Variants in TPRG1 observed in about 807,000 individuals in gnomAD.
TPRG1 encodes the protein tumor protein p63 regulated 1, also known as tumor protein p63-regulated gene 1 protein.
In TPRG1, 29 loss-of-function variants were observed where a neutral mutation model predicts 29.3. The ratio of observed to expected loss-of-function variants is 0.99; its 90% CI spans 0.74 to 1.35. TPRG1 has a LOEUF of 1.35. Ranked by LOEUF, TPRG1 falls within the 40% of genes most tolerant of loss-of-function variation. TPRG1 has a pLI of 0.00. For synonymous variants in TPRG1, 130 were observed against 116.8 expected (o/e 1.11, Z -0.73); for missense variants, 327 against 335.0 (o/e 0.98, Z 0.19).
At chr3:189,030,612 A>G (rs1161784253) in intron 4 of TPRG1, among the ~76,000 whole-genome samples, 1 of 152,142 alleles carries the variant, frequency 6.6e-6, no homozygotes, top group African/African-American at 2.4e-5. Flanking sequence ...TGGGGAGTGT[A>G]CATACTTCTA....
Position 189,207,418 on chromosome 3 carries a change from G to C in TPRG1, c.34G>C (p.Ala12Pro), listed in dbSNP as rs147775571. Residue 12 changes from alanine (A) to proline (P), a missense_variant, in exon 2 of 6, where the codon GCT becomes CCT. Transcript: ENST00000345063. The stretch of plus-strand genomic sequence containing the variant: ...AATTGGGAGTTTTGAAGGATTCCAG[G>C]CTGTGTCTCTGAAGCAAGAGGGAGA... ...STIGSFEGFQAVSLKQEGDDQ... is the reference protein window; with the variant it reads ...STIGSFEGFQPVSLKQEGDDQ... The C allele has an allele frequency of 3.4e-3, 5,507 of 1,613,986 alleles. 21 individuals carry two copies. The highest frequency in any genetic ancestry group is 0.018 in the Middle Eastern group (112 of 6,060).
intron 3 of TPRG1, among the ~76,000 whole-genome samples, chr3:189,007,871 G>C (rs1379539736): frequency 2.2e-5 from 3 of 133,506 alleles, no homozygotes; most frequent in Non-Finnish European, 3.1e-5. Context: ...CACAGGAAAG[G>C]GAATATCACA....
intron 4 of TPRG1, among the ~76,000 whole-genome samples, chr3:189,268,350 G>A (rs577209788): frequency 4.6e-4 from 70 of 152,282 alleles, no homozygotes; most frequent in Non-Finnish European, 8.1e-4. Context: ...GCAAATCTCC[G>A]TGGGGAGGCG....
At chr3:189,083,337 T>G (rs576618310) in intron 4 of TPRG1, among the ~76,000 whole-genome samples, 30 of 151,368 alleles carry the variant, frequency 2.0e-4, no homozygotes, top group African/African-American at 6.1e-4. Flanking sequence ...TCCTGGGGGG[T>G]TTGTGGGCAA....
At chr3:189,165,744 T>A (rs1309870369) in intron 5 of TPRG1, among the ~76,000 whole-genome samples, 1 of 152,040 alleles carries the variant, frequency 6.6e-6, no homozygotes, top group Non-Finnish European at 1.5e-5. Context: ...TGTGTGACAG[T>A]GGAGTAAGTT....
intron 3 of TPRG1, among the ~76,000 whole-genome samples, chr3:189,018,127 T>C (rs1713058202): frequency 6.6e-6 from 1 of 152,180 alleles, no homozygotes; most frequent in African/African-American, 2.4e-5. Context: ...ATTCTGGATA[T>C]TAGCCCTTTG....
Position 189,283,645 on chromosome 3 carries a change from C to T in TPRG1, c.480-26741C>T, listed in dbSNP as rs772748459. ...AGAGAGAAGGTTTTCTGTTGGGGAA[C>T]GATCAGCAGTGACTGGTCAGTTGTT... On this transcript the variant is annotated intron_variant, in intron 4 of 5. Transcript: ENST00000345063. Among the ~76,000 whole-genome samples, 10 of 152,262 alleles carry T rather than the reference C, an allele frequency of 6.6e-5. No homozygotes were observed. The South Asian group carries it at 8.3e-4, about 13-fold the overall frequency.
intron 4 of TPRG1, among the ~76,000 whole-genome samples, chr3:189,309,610 C>T (rs1005045600): frequency 1.1e-4 from 17 of 152,222 alleles, no homozygotes; most frequent in East Asian, 1.9e-4. Flanking sequence ...CTCAGAAACA[C>T]GGTTTTGTTA....
At position 189,248,723 on chromosome 3, in the gene TPRG1, GA is replaced by G. The variant is rs1196525529; in HGVS notation, c.479+9816del. ...GATTGAAGTAACTTTATTTAAAGTT[GA>G]ATTTTTATGCTTTTAAATTTTGTTA... On this transcript the variant is annotated intron_variant, in intron 4 of 5. Coordinates refer to ENST00000345063, the MANE Select transcript of TPRG1 (RefSeq NM_198485.4). 6.0e-5 allele frequency among the ~76,000 whole-genome samples: 9 copies of G among 150,970 alleles called. No homozygotes were observed. The South Asian group carries it at 1.9e-3, about 32-fold the overall frequency.
chr3:189,045,161 A>G (rs961036219), intron 4 of TPRG1, among the ~76,000 whole-genome samples: 3 of 152,196 alleles, frequency 2.0e-5, no homozygotes, highest in Non-Finnish European at 2.9e-5. Flanking sequence ...TAAAAACATT[A>G]CACTAAGATA....
chr3:189,227,953 C>G (rs1183777115), intron 3 of TPRG1, among the ~76,000 whole-genome samples: 3 of 152,106 alleles, frequency 2.0e-5, no homozygotes, highest in Non-Finnish European at 4.4e-5. Flanking sequence ...GAAACCCCTT[C>G]TCTACTAAAA....
rs573565618 is a variant in TPRG1, at chr3:189,087,383, T to A, written c.-462-39674T>A. 3.3e-5 allele frequency among the ~76,000 whole-genome samples: 5 copies of A among 152,320 alleles called. No homozygotes were observed. In the South Asian group the frequency reaches 1.0e-3, roughly 32 times the overall value. On this transcript the variant is annotated intron_variant, in intron 4 of 10. Coordinates refer to the TPRG1 transcript ENST00000433971. ...GTTTTTTCTTGTAAATTTGTTTGAG[T>A]TCTTTGTAGATTCTGGATATTAGCC... is the stretch of plus-strand genomic sequence containing the variant.
chr3:189,313,819 T>G (rs1364532509), intron 5 of TPRG1, among the ~76,000 whole-genome samples: 4 of 152,092 alleles, frequency 2.6e-5, no homozygotes, highest in African/African-American at 4.8e-5. Context: ...GAGTTCTAAT[T>G]AACTGAAACT....
chr3:189,024,020 G>A (rs1713517988), intron 4 of TPRG1: 1 of 152,350 alleles, frequency 6.6e-6, no homozygotes, highest in East Asian at 1.9e-4. Context: ...TTTTGGTAGA[G>A]CAGCTTTGCT....
chr3:189,084,079 A>G (rs1156374819), intron 4 of TPRG1, among the ~76,000 whole-genome samples: 1 of 151,976 alleles, frequency 6.6e-6, no homozygotes, highest in Non-Finnish European at 1.5e-5. Flanking sequence ...TGAACCTGGG[A>G]GGCGGAGGTT....
upstream of TPRG1, among the ~76,000 whole-genome samples, chr3:189,168,632 C>T (rs924642953): frequency 1.3e-5 from 2 of 152,140 alleles, no homozygotes; most frequent in Non-Finnish European, 2.9e-5. Flanking sequence ...GTACTAGTGA[C>T]GTGTGTGGTG....
chr3:189,167,197 C>T (rs1173544356), upstream of TPRG1, among the ~76,000 whole-genome samples: 1 of 152,154 alleles, frequency 6.6e-6, no homozygotes, highest in Non-Finnish European at 1.5e-5. Flanking sequence ...TCCTCCTGAG[C>T]CCTGTGAACA....
At chr3:189,208,036 C>T (rs115484912) in intron 2 of TPRG1, among the ~76,000 whole-genome samples, 453 of 152,302 alleles carry the variant, frequency 3.0e-3, no homozygotes, top group African/African-American at 1.0e-2. Flanking sequence ...ATGGGATGCT[C>T]ATATTACAAC....
chr3:189,225,500 G>A (rs1387243081), intron 3 of TPRG1, among the ~76,000 whole-genome samples: 2 of 152,104 alleles, frequency 1.3e-5, no homozygotes, highest in East Asian at 3.9e-4. Flanking sequence ...TTTAAACATA[G>A]TCTTCATTAT....
Sources: gnomAD v4.1 joint callset for allele counts (sites outside exome capture counted in the v4.1 genomes callset) on GRCh38, gnomAD v4.1.1 for gene constraint, MANE v1.5 for transcripts, NCBI Gene and HGNC (gene_info 2026-07-23, HGNC 2026-07-21) for gene names.